The following MTRF1 variants were observed in gnomAD, a reference collection of about 807,000 sequenced individuals.
MTRF1 encodes peptide chain release factor 1, mitochondrial.
Under a neutral mutation model 62.9 loss-of-function variants are expected in MTRF1, and 51 were observed. The ratio of observed to expected loss-of-function variants is 0.81; its 90% CI spans 0.65 to 1.02. The LOEUF (loss-of-function observed/expected upper bound fraction) is 1.02. Among genes scored for constraint, MTRF1 ranks in the 50% least tolerant of loss-of-function variants. The probability of loss-of-function intolerance (pLI) is 0.00; values close to 1 mark genes in which losing one functional copy is unlikely to be tolerated. For synonymous variants in MTRF1, 158 were observed against 181.9 expected (o/e 0.87, Z 1.06); for missense variants, 446 against 530.0 (o/e 0.84, Z 1.56).
the MTRF1 span, among the ~76,000 whole-genome samples, chr13:41,304,850 T>G: frequency 2.0e-5 from 3 of 152,228 alleles, no homozygotes; most frequent in African/African-American, 7.2e-5. Context: ...AGAGTACATG[T>G]GTGATCTCTA....
At chr13:41,264,322 G>T (rs954659849), upstream of MTRF1, among the ~76,000 whole-genome samples, 1 of 152,198 alleles carries the variant, frequency 6.6e-6, no homozygotes, top group Non-Finnish European at 1.5e-5. Flanking sequence ...GCTCAACCTA[G>T]ATTCATAGCT....
the MTRF1 span, among the ~76,000 whole-genome samples, chr13:41,305,602 C>A: frequency 6.6e-6 from 1 of 152,190 alleles, no homozygotes. Flanking sequence ...AAGTTCTCAC[C>A]TTTCCCTTCT....
chr13:41,263,241 A>G, intron 1 of MTRF1: 3 of 1,287,004 alleles, frequency 2.3e-6, no homozygotes, highest in Non-Finnish European at 3.0e-6. Context: ...AAACAAAACA[A>G]AACAAGATGT....
rs1207450891 is a variant in MTRF1 at position 41,260,683 on chromosome 13, T to C, written c.225A>G (p.Leu75=). The C allele has an allele frequency of 5.0e-6, 8 of 1,614,070 alleles. No individual in the cohort carries two copies. Among genetic ancestry groups the C allele is most frequent in the African/African-American group, 2.7e-5 (2 of 74,930 alleles). Residue 75 remains leucine, a synonymous_variant, in exon 2 of 10, where the codon CTA becomes CTG. Coordinates refer to ENST00000379480, the MANE Select transcript of MTRF1 (RefSeq NM_004294.4). The part of the protein sequence containing the change: ...DTKMLWKHKA[L]QKYMENLSKE... ...TACTCAGGTTCTCCATATATTTCTG[T>C]AGTGCTTTATGCTTCCAGAGCATCT... is the stretch of plus-strand genomic sequence containing the variant.
the MTRF1 span, among the ~76,000 whole-genome samples, chr13:41,308,004 C>A: frequency 6.6e-6 from 1 of 152,054 alleles, no homozygotes; most frequent in Non-Finnish European, 1.5e-5. Context: ...CTGCGCTTCC[C>A]TGGGAGATGC....
At chr13:41,303,747 A>T in the MTRF1 span, among the ~76,000 whole-genome samples, 2 of 152,242 alleles carry the variant, frequency 1.3e-5, no homozygotes, top group Non-Finnish European at 2.9e-5. Context: ...ACGTTTACTA[A>T]CAGACCCAGA....
chr13:41,309,469 C>T, the MTRF1 span, among the ~76,000 whole-genome samples: 2 of 151,594 alleles, frequency 1.3e-5, no homozygotes, highest in South Asian at 2.1e-4. Flanking sequence ...GGATTACAGG[C>T]GTGAGTCACT....
the MTRF1 span, among the ~76,000 whole-genome samples, chr13:41,273,865 A>G: frequency 6.6e-6 from 1 of 150,422 alleles, no homozygotes; most frequent in African/African-American, 2.5e-5. Context: ...TGTAAGCTGA[A>G]CACTGATTTG....
chr13:41,311,989 C>T, the MTRF1 span, among the ~76,000 whole-genome samples: 2 of 152,244 alleles, frequency 1.3e-5, no homozygotes, highest in Non-Finnish European at 1.5e-5. Context: ...GTTTTGCGTT[C>T]TGCATTCTCT....
At chr13:41,266,450 A>G (rs1257608405), upstream of MTRF1, among the ~76,000 whole-genome samples, 2 of 151,938 alleles carry the variant, frequency 1.3e-5, no homozygotes, top group Non-Finnish European at 2.9e-5. Context: ...TATCTCTGCT[A>G]AAAATGCAAA....
chr13:41,271,089 ACAC>A, the MTRF1 span, among the ~76,000 whole-genome samples: 460 of 131,524 alleles, frequency 3.5e-3, 2 homozygotes, highest in African/African-American at 0.012. Context: ...ACACACACAC[ACAC>A]CCCATATAGC....
intron 5 of MTRF1, among the ~76,000 whole-genome samples, chr13:41,247,412 T>C (rs1210321481): frequency 1.3e-5 from 2 of 152,232 alleles, no homozygotes; most frequent in Non-Finnish European, 2.9e-5. Flanking sequence ...AACAGCTGTA[T>C]ACCAGGTACC....
intron 2 of MTRF1, among the ~76,000 whole-genome samples, chr13:41,256,654 C>G (rs2039769442): frequency 6.6e-6 from 1 of 152,036 alleles, no homozygotes; most frequent in Non-Finnish European, 1.5e-5. Context: ...ACCACTAGTA[C>G]CACATTGTGC....
intron 2 of MTRF1, chr13:41,257,814 G>C (rs1176354285): frequency 4.5e-6 from 2 of 445,350 alleles, no homozygotes; most frequent in Non-Finnish European, 9.1e-6. Context: ...GAAACAAAAA[G>C]GGGGAGGGGG....
At chr13:41,267,014 AAAAC>A (rs1229745192), upstream of MTRF1, among the ~76,000 whole-genome samples, 1 of 151,782 alleles carries the variant, frequency 6.6e-6, no homozygotes, top group Non-Finnish European at 1.5e-5. Flanking sequence ...AAAAAAAAAA[AAAAC>A]AAATTTCCCT....
the MTRF1 span, among the ~76,000 whole-genome samples, chr13:41,294,400 G>C: frequency 1.4e-5 from 2 of 141,998 alleles, no homozygotes; most frequent in Non-Finnish European, 3.0e-5. Flanking sequence ...CCTGGCAACA[G>C]AGTGAGACTC....
chr13:41,276,706 C>A, the MTRF1 span, among the ~76,000 whole-genome samples: 73 of 152,278 alleles, frequency 4.8e-4, no homozygotes, highest in African/African-American at 1.7e-3. Flanking sequence ...AGCCTTCCCC[C>A]AAACTCAACT....
chr13:41,260,424 C>T, intron 2 of MTRF1, 69 bp downstream of exon 2: 1 of 1,290,762 alleles, frequency 7.7e-7, no homozygotes, highest in Non-Finnish European at 1.1e-6. Context: ...TACTTACACA[C>T]ACGCATATAA....
intron 1 of MTRF1, chr13:41,261,509 A>T (rs1285601224): frequency 1.3e-5 from 2 of 152,298 alleles, no homozygotes; most frequent in Non-Finnish European, 2.9e-5. Context: ...GAGTTAAGTC[A>T]GTTATTTTCT....
Sources: allele counts gnomAD v4.1 joint callset (sites outside exome capture counted in the v4.1 genomes callset), GRCh38; gene constraint gnomAD v4.1.1; transcripts MANE v1.5; gene names NCBI Gene and HGNC (gene_info 2026-07-23, HGNC 2026-07-21).